HMBOX1: variants seen among roughly 807,000 people sequenced by gnomAD.
HMBOX1 encodes the protein homeobox-containing protein 1.
HMBOX1 carries 14 observed loss-of-function variants against 54.5 expected under a neutral mutation model. The observed-to-expected ratio is 0.26, with a 90% CI of 0.17 to 0.40. The LOEUF is 0.40. HMBOX1 is among the 10% of genes least tolerant of loss of function. The pLI, the probability that HMBOX1 is intolerant of heterozygous loss-of-function variation, is 1.00. For synonymous variants in HMBOX1, 160 were observed against 181.0 expected (o/e 0.88, Z 0.93); for missense variants, 332 against 514.4 (o/e 0.65, Z 3.43).
At chr8:28,952,394 C>G (rs183149682) in intron 1 of HMBOX1, among the ~76,000 whole-genome samples, 1 of 151,910 alleles carries the variant, frequency 6.6e-6, no homozygotes, top group Admixed American at 6.6e-5. Context: ...CCACCGCTTC[C>G]GGCTAATTTT....
chr8:29,002,557 A>G (rs529139647), intron 4 of HMBOX1, among the ~76,000 whole-genome samples: 7 of 152,144 alleles, frequency 4.6e-5, no homozygotes, highest in Non-Finnish European at 1.0e-4. Flanking sequence ...GCTTGGAACC[A>G]TTAAATATTG....
At chr8:28,998,308 T>C (rs549722826) in intron 4 of HMBOX1, among the ~76,000 whole-genome samples, 2 of 152,180 alleles carry the variant, frequency 1.3e-5, no homozygotes, top group Non-Finnish European at 2.9e-5. Flanking sequence ...AGTTCTGTCA[T>C]TTTTTGCTTT....
At chr8:29,010,750 G>A (rs1165139426) in intron 5 of HMBOX1, among the ~76,000 whole-genome samples, 1 of 151,902 alleles carries the variant, frequency 6.6e-6, no homozygotes, top group Non-Finnish European at 1.5e-5. Context: ...TCCAGTCTGA[G>A]TCACATTTCT....
chr8:28,913,521 G>A (rs1007893425), intron 1 of HMBOX1, among the ~76,000 whole-genome samples: 2 of 152,008 alleles, frequency 1.3e-5, no homozygotes, highest in Non-Finnish European at 2.9e-5. Flanking sequence ...CCCTAGATTA[G>A]GTTAGGATAT....
At chr8:28,934,753 A>G (rs925910546) in intron 1 of HMBOX1, among the ~76,000 whole-genome samples, 2 of 151,628 alleles carry the variant, frequency 1.3e-5, no homozygotes, top group African/African-American at 4.8e-5. Context: ...GTGAAACCCC[A>G]TCTCTACTAA....
At chr8:29,050,741 T>C (rs887498549) in intron 9 of HMBOX1, 9 of 408,914 alleles carry the variant, frequency 2.2e-5, no homozygotes, top group Non-Finnish European at 3.5e-5. Context: ...TTGATCATCA[T>C]CACCAGCAAT....
chr8:28,933,243 C>T (rs1405095714), intron 1 of HMBOX1, among the ~76,000 whole-genome samples: 2 of 152,182 alleles, frequency 1.3e-5, no homozygotes, highest in East Asian at 3.8e-4. Flanking sequence ...TACCTGTTTG[C>T]AACCACACTC....
At chr8:28,914,142 A>T in intron 1 of HMBOX1, among the ~76,000 whole-genome samples, 1 of 152,264 alleles carries the variant, frequency 6.6e-6, no homozygotes, top group East Asian at 1.9e-4. Context: ...TGCTGGGATT[A>T]CAGGCGTGAG....
intron 5 of HMBOX1, chr8:29,010,300 C>A: frequency 2.9e-6 from 1 of 339,518 alleles, no homozygotes; most frequent in Non-Finnish European, 4.2e-6. Flanking sequence ...TGGCTCACGC[C>A]TGTAATCCCA....
At chr8:28,925,459 A>G (rs956660603) in intron 1 of HMBOX1, among the ~76,000 whole-genome samples, 1 of 152,186 alleles carries the variant, frequency 6.6e-6, no homozygotes, top group Non-Finnish European at 1.5e-5. Context: ...TTTATTGGCA[A>G]ACACTATATT....
intron 6 of HMBOX1, among the ~76,000 whole-genome samples, chr8:29,043,398 A>ACACG (rs1805127368): frequency 6.6e-6 from 1 of 152,228 alleles, no homozygotes; most frequent in Non-Finnish European, 1.5e-5. Context: ...ACAACACTGA[A>ACACG]CACGCCTTCA....
At chr8:28,903,162 CAG>C (rs962357002) in intron 1 of HMBOX1, among the ~76,000 whole-genome samples, 2 of 152,058 alleles carry the variant, frequency 1.3e-5, no homozygotes, top group East Asian at 3.9e-4. Flanking sequence ...CACATATACA[CAG>C]AGAGAGAGAA....
Position 28,971,556 on chromosome 8 carries a change from G to C in HMBOX1, c.500+1037G>C, listed in dbSNP as rs531574650. ...ATATGTTTAATGAATGGGTGACCTT[G>C]ACCTAAATGGTAAAGAATAGCATTT... On this transcript the variant is annotated intron_variant, in intron 3 of 9. Coordinates refer to ENST00000287701, the MANE Select transcript of HMBOX1 (RefSeq NM_001135726.3). 3.3e-5 allele frequency among the ~76,000 whole-genome samples: 5 copies of C among 152,212 alleles called. No homozygotes were observed. The East Asian group carries it at 9.7e-4, about 29-fold the overall frequency.
chr8:28,973,980 A>AT (rs1198445160), intron 3 of HMBOX1, among the ~76,000 whole-genome samples: 3 of 151,450 alleles, frequency 2.0e-5, no homozygotes, highest in Non-Finnish European at 4.4e-5. Context: ...CCCCCAGCTA[A>AT]TTTTTGTATT....
At chr8:28,985,238 A>T (rs1434657365) in intron 4 of HMBOX1, among the ~76,000 whole-genome samples, 1 of 152,168 alleles carries the variant, frequency 6.6e-6, no homozygotes, top group Non-Finnish European at 1.5e-5. Flanking sequence ...GTCTGGTGAG[A>T]GCCTGCTTTC....
intron 1 of HMBOX1, among the ~76,000 whole-genome samples, chr8:28,914,955 G>C (rs574389250): frequency 1.3e-5 from 2 of 152,284 alleles, no homozygotes; most frequent in South Asian, 4.1e-4. Flanking sequence ...TTCTGGATTA[G>C]ATATGTTCAG....
chr8:28,991,851 G>T lies in HMBOX1; in HGVS notation c.586+11695G>T, dbSNP rs1038409602. 2.0e-5 allele frequency among the ~76,000 whole-genome samples: 3 copies of T among 152,100 alleles called. No individual in the cohort carries two copies. In the East Asian group the frequency reaches 5.8e-4, roughly 29 times the overall value. On this transcript the variant is annotated intron_variant, in intron 4 of 9. Coordinates refer to ENST00000287701, the MANE Select transcript of HMBOX1 (RefSeq NM_001135726.3). ...CAGTGGCTCTGCTTTTTACTAGCCTGCACCCTCTTAGCTAACCTTCTTTTT... is the reference window on the plus strand; with the variant it reads ...CAGTGGCTCTGCTTTTTACTAGCCTTCACCCTCTTAGCTAACCTTCTTTTT...
chr8:28,954,761 G>A (rs1046283808), intron 1 of HMBOX1, among the ~76,000 whole-genome samples: 5 of 152,176 alleles, frequency 3.3e-5, no homozygotes, highest in Non-Finnish European at 7.3e-5. Flanking sequence ...GTACAAAGAT[G>A]TATGAAGAAG....
Position 28,970,157 on chromosome 8 carries a change from C to T in HMBOX1, c.138C>T (p.Ala46=), listed in dbSNP as rs150056601. 1.2e-6 allele frequency: 2 copies of T among 1,613,974 alleles called. No homozygotes were observed. Among genetic ancestry groups the T allele is most frequent in the Non-Finnish European group, 1.7e-6 (2 of 1,180,010 alleles). ...TGMTKHEILH[A]LETLDRLDQE... ...TGACTAAACATGAAATTCTCCATGC[C>T]TTGGAAACTTTGGACCGTCTTGATC... Residue 46 remains alanine, a synonymous_variant, in exon 3 of 10, where the codon GCC becomes GCT. Transcript: ENST00000287701. This position sits in a 1 kb window ranked among gnomAD's most constrained non-coding sequence, Gnocchi z 4.3.
Sources: gnomAD v4.1 joint callset for allele counts (sites outside exome capture counted in the v4.1 genomes callset) on GRCh38, gnomAD v4.1.1 for gene constraint, Gnocchi (gnomAD v3.1) non-coding constraint, MANE v1.5 for transcripts, NCBI Gene and HGNC (gene_info 2026-07-23, HGNC 2026-07-21) for gene names.